The following FHOD3 variants were observed in gnomAD, a reference collection of about 807,000 sequenced individuals.
FHOD3 encodes FH1/FH2 domain-containing protein 3.
In FHOD3, 90 loss-of-function variants were observed where a neutral mutation model predicts 173.0. That is an observed-to-expected ratio of 0.52 (90% confidence interval 0.44 to 0.62). The LOEUF (loss-of-function observed/expected upper bound fraction) is 0.62, where lower values mean the gene tolerates loss of function less well. FHOD3 is among the 20% of genes least tolerant of loss of function. The probability of loss-of-function intolerance (pLI) is 0.00; values close to 1 mark genes in which losing one functional copy is unlikely to be tolerated. For missense variants in FHOD3, 1,945 were observed against 2,034.7 expected (o/e 0.96, Z 0.85); for synonymous variants, 828 against 823.0 (o/e 1.01, Z -0.10).
At chr18:36,539,526 CAG>C (rs1457787265) in intron 5 of FHOD3, among the ~76,000 whole-genome samples, 1 of 152,156 alleles carries the variant, frequency 6.6e-6, no homozygotes, top group Non-Finnish European at 1.5e-5. Context: ...GAGTGGTGAG[CAG>C]AGACTGAGTG....
chr18:36,543,170 G>C (rs912921144), intron 5 of FHOD3, among the ~76,000 whole-genome samples: 3 of 152,132 alleles, frequency 2.0e-5, no homozygotes, highest in African/African-American at 7.2e-5. Context: ...TCTTCAGCCT[G>C]CCAGCCTACC....
chr18:36,327,307 A>T (rs978885956), intron 1 of FHOD3, among the ~76,000 whole-genome samples: 22 of 152,246 alleles, frequency 1.4e-4, no homozygotes, highest in African/African-American at 5.3e-4. Flanking sequence ...TTAATCCAGG[A>T]GTGGCATCTA....
At chr18:36,425,435 C>T (rs2050189739) in intron 3 of FHOD3, among the ~76,000 whole-genome samples, 1 of 152,140 alleles carries the variant, frequency 6.6e-6, no homozygotes, top group Non-Finnish European at 1.5e-5. Flanking sequence ...GTAGGTCACC[C>T]AGCTTTTTAA....
At chr18:36,640,266 T>C (rs898985637) in intron 10 of FHOD3, among the ~76,000 whole-genome samples, 4 of 152,250 alleles carry the variant, frequency 2.6e-5, no homozygotes, top group African/African-American at 4.8e-5. Context: ...TTTCATTCTC[T>C]TGGCTGGTAA....
rs1291727436 is a variant in FHOD3 at position 36,466,806 on chromosome 18, ATACGT to A, written c.338-35123_338-35119del. 6.6e-5 allele frequency among the ~76,000 whole-genome samples: 10 copies of A among 151,952 alleles called. No individual in the cohort carries two copies. The East Asian group carries it at 1.9e-3, about 29-fold the overall frequency. The stretch of plus-strand genomic sequence containing the variant: ...AGTTTCTGAAAAACAACTCAGAGAC[ATACGT>A]TAAGTAAGATGTTATCTTTAGTTTT... On this transcript the variant is annotated intron_variant, in intron 3 of 28. Coordinates refer to ENST00000590592, the MANE Select transcript of FHOD3 (RefSeq NM_001281740.3).
intron 28 of FHOD3, among the ~76,000 whole-genome samples, chr18:36,769,820 C>T (rs2043297650): frequency 1.3e-5 from 2 of 152,060 alleles, no homozygotes; most frequent in African/African-American, 2.4e-5. Context: ...CACCAGGGGG[C>T]GCTTGTGGGG....
chr18:36,448,199 G>A (rs764109491), intron 3 of FHOD3, among the ~76,000 whole-genome samples: 3 of 152,110 alleles, frequency 2.0e-5, no homozygotes, highest in Non-Finnish European at 4.4e-5. Context: ...AGGCAAGTGT[G>A]AGTACACTTG....
intron 10 of FHOD3, among the ~76,000 whole-genome samples, chr18:36,642,894 A>ATT (rs147521132): frequency 0.072 from 10,613 of 147,234 alleles, 639 homozygotes; most frequent in East Asian, 0.24. Flanking sequence ...TTTTTTCAGT[A>ATT]TTTTTTTTTT....
intron 3 of FHOD3, among the ~76,000 whole-genome samples, chr18:36,407,048 A>T: frequency 6.6e-6 from 1 of 152,168 alleles, no homozygotes; most frequent in Non-Finnish European, 1.5e-5. Context: ...ATGTGTCTGG[A>T]CCAACTGATC....
At position 36,481,925 on chromosome 18, in the gene FHOD3, C is replaced by T. The variant is rs377066888; in HGVS notation, c.338-20007C>T. ...AAATTAATTCATGTTTCCTCAACTCCGAACAGTGATGTAAAGGGAGCTTGT... is the reference window on the plus strand; with the variant it reads ...AAATTAATTCATGTTTCCTCAACTCTGAACAGTGATGTAAAGGGAGCTTGT... On this transcript the variant is annotated intron_variant, in intron 3 of 28. Coordinates refer to ENST00000590592, the MANE Select transcript of FHOD3 (RefSeq NM_001281740.3). 7.2e-4 allele frequency among the ~76,000 whole-genome samples: 109 copies of T among 152,114 alleles called. 1 individual carries two copies. The highest frequency in any genetic ancestry group is 2.5e-3 in the African/African-American group (103 of 41,492).
chr18:36,768,035 C>A (rs964320018), intron 27 of FHOD3, among the ~76,000 whole-genome samples: 1 of 152,206 alleles, frequency 6.6e-6, no homozygotes, highest in Non-Finnish European at 1.5e-5. Context: ...GAAAGGCTGG[C>A]AGTTCCCTTG....
At chr18:36,345,247 A>G (rs1399427346) in intron 1 of FHOD3, among the ~76,000 whole-genome samples, 1 of 152,192 alleles carries the variant, frequency 6.6e-6, no homozygotes. Flanking sequence ...AGAAATCTAC[A>G]ATAAAAGAAG....
intron 1 of FHOD3, among the ~76,000 whole-genome samples, chr18:36,328,645 T>C (rs551207553): frequency 7.2e-5 from 11 of 152,292 alleles, no homozygotes; most frequent in African/African-American, 2.4e-4. Flanking sequence ...TAGGGGTGGC[T>C]TCCGGGAGCC....
chr18:36,718,983 C>T (rs1329820154), intron 19 of FHOD3, among the ~76,000 whole-genome samples: 1 of 152,106 alleles, frequency 6.6e-6, no homozygotes, highest in African/African-American at 2.4e-5. Flanking sequence ...GAGGAAAAGA[C>T]AAAAATGGTC....
At chr18:36,621,622 A>C (rs537817250) in intron 9 of FHOD3, among the ~76,000 whole-genome samples, 2 of 152,222 alleles carry the variant, frequency 1.3e-5, no homozygotes, top group Admixed American at 6.5e-5. Flanking sequence ...GTGTGTAAAC[A>C]CTTTTCAGGC....
chr18:36,474,436 A>G lies in FHOD3; in HGVS notation c.338-27496A>G, dbSNP rs559662597. ...ATACTTTAAAGATGGTTCTTGTCCT[A>G]TCTGGCTTCTGTTTGGGCCATGCTC... On this transcript the variant is annotated intron_variant, in intron 3 of 28. Transcript: ENST00000590592. 1.2e-3 allele frequency among the ~76,000 whole-genome samples: 186 copies of G among 152,274 alleles called. 2 individuals are homozygous for G. The highest frequency in any genetic ancestry group is 1.3e-3 in the Non-Finnish European group (86 of 68,024).
At chr18:36,696,542 T>A (rs1475829904) in intron 17 of FHOD3, among the ~76,000 whole-genome samples, 1 of 152,228 alleles carries the variant, frequency 6.6e-6, no homozygotes, top group African/African-American at 2.4e-5. Flanking sequence ...GAAAGGCTAA[T>A]GATAAATACT....
intron 3 of FHOD3, among the ~76,000 whole-genome samples, chr18:36,388,055 T>G (rs2048112991): frequency 6.6e-6 from 1 of 152,208 alleles, no homozygotes; most frequent in Admixed American, 6.5e-5. Flanking sequence ...GAACTCTCTA[T>G]ATAAACTTAA....
chr18:36,752,495 A>G (rs950236974), intron 24 of FHOD3, among the ~76,000 whole-genome samples: 6 of 152,214 alleles, frequency 3.9e-5, no homozygotes, highest in African/African-American at 1.4e-4. Flanking sequence ...CAGCCTGCCC[A>G]TAACCATACA....
Sources: allele counts gnomAD v4.1 joint callset (sites outside exome capture counted in the v4.1 genomes callset), GRCh38; gene constraint gnomAD v4.1.1; transcripts MANE v1.5; gene names NCBI Gene and HGNC (gene_info 2026-07-23, HGNC 2026-07-21).